The following SCLT1 variants were observed in gnomAD, a reference collection of about 807,000 sequenced individuals.
The protein encoded by SCLT1 is sodium channel-associated protein 1.
Under a neutral mutation model 112.8 loss-of-function variants are expected in SCLT1, and 78 were observed. The observed-to-expected ratio is 0.69, with a 90% CI of 0.58 to 0.83. SCLT1 has a LOEUF of 0.83. Ranked by LOEUF, SCLT1 falls within the 40% of genes least tolerant of loss-of-function variation. SCLT1 has a pLI of 0.00. For missense variants in SCLT1, 747 were observed against 770.4 expected, an observed-to-expected ratio of 0.97 and a Z score of 0.36; for synonymous variants, 257 against 254.7, an observed-to-expected ratio of 1.01 and a Z score of -0.09.
intron 2 of SCLT1, among the ~76,000 whole-genome samples, chr4:129,075,147 G>T (rs1751351185): frequency 1.3e-5 from 2 of 152,104 alleles, no homozygotes; most frequent in Non-Finnish European, 2.9e-5. Context: ...CACTCTGTAA[G>T]CACTCTAATT....
At chr4:129,015,866 C>A (rs1005511889) in intron 5 of SCLT1, among the ~76,000 whole-genome samples, 2 of 152,170 alleles carry the variant, frequency 1.3e-5, no homozygotes, top group Non-Finnish European at 2.9e-5. Flanking sequence ...TTCTGAGAAT[C>A]TGTTAGGAGT....
At chr4:128,906,795 CA>C (rs1734728738) in intron 18 of SCLT1, among the ~76,000 whole-genome samples, 1 of 152,000 alleles carries the variant, frequency 6.6e-6, no homozygotes, top group South Asian at 2.1e-4. Flanking sequence ...GCTAGGGAGA[CA>C]AGGAGGAAAC....
chr4:128,920,964 G>T (rs1418970569), intron 18 of SCLT1, among the ~76,000 whole-genome samples: 4 of 152,122 alleles, frequency 2.6e-5, no homozygotes, highest in Admixed American at 2.0e-4. Flanking sequence ...GCAGTTTCAG[G>T]ATACAAAATT....
intron 9 of SCLT1, among the ~76,000 whole-genome samples, chr4:128,989,170 AAT>A (rs959991430): frequency 3.3e-5 from 5 of 151,884 alleles, no homozygotes; most frequent in African/African-American, 9.7e-5. Flanking sequence ...ACAGGTGAAA[AAT>A]ATATGTTTTT....
At chr4:128,896,723 T>A (rs562033649) in intron 18 of SCLT1, among the ~76,000 whole-genome samples, 1 of 151,916 alleles carries the variant, frequency 6.6e-6, no homozygotes, top group African/African-American at 2.4e-5. Context: ...ATCAAACTAC[T>A]CCCAGCTAAA....
chr4:129,064,627 C>A (rs554273397), intron 2 of SCLT1, among the ~76,000 whole-genome samples: 1 of 152,136 alleles, frequency 6.6e-6, no homozygotes, highest in East Asian at 1.9e-4. Flanking sequence ...AGGAAAAGTA[C>A]ATTTACACTA....
intron 2 of SCLT1, among the ~76,000 whole-genome samples, chr4:129,057,895 G>A (rs912831472): frequency 5.3e-5 from 8 of 151,988 alleles, no homozygotes; most frequent in Admixed American, 2.0e-4. Context: ...GAAATTACAG[G>A]CACCCACCAC....
intron 11 of SCLT1, among the ~76,000 whole-genome samples, chr4:128,962,257 ATGT>A (rs1388587798): frequency 3.3e-5 from 5 of 152,232 alleles, no homozygotes; most frequent in Admixed American, 3.3e-4. Flanking sequence ...AAAACAAATC[ATGT>A]TGTAATTGAT....
At chr4:129,061,724 G>A (rs1749995072) in intron 2 of SCLT1, among the ~76,000 whole-genome samples, 1 of 152,086 alleles carries the variant, frequency 6.6e-6, no homozygotes, top group East Asian at 1.9e-4. Context: ...AGGGAAGGGT[G>A]TAACAGTTTC....
At chr4:129,048,317 T>A (rs1328803160) in intron 2 of SCLT1, among the ~76,000 whole-genome samples, 1 of 151,868 alleles carries the variant, frequency 6.6e-6, no homozygotes, top group East Asian at 1.9e-4. Context: ...CCCTCAGAAA[T>A]AACACCACAT....
intron 2 of SCLT1, among the ~76,000 whole-genome samples, chr4:129,059,177 G>A (rs1749725623): frequency 6.6e-6 from 1 of 152,042 alleles, no homozygotes. Flanking sequence ...ATGTTTACAG[G>A]TGAAGTGAGT....
At chr4:128,985,789 G>C (rs1341489451) in intron 9 of SCLT1, among the ~76,000 whole-genome samples, 2 of 152,118 alleles carry the variant, frequency 1.3e-5, no homozygotes, top group Non-Finnish European at 2.9e-5. Context: ...ATGTTGGCCA[G>C]GCTGGTCTCG....
intron 5 of SCLT1, among the ~76,000 whole-genome samples, chr4:129,033,259 C>T (rs1479027510): frequency 6.6e-6 from 1 of 151,432 alleles, no homozygotes; most frequent in Non-Finnish European, 1.5e-5. Flanking sequence ...CCAAACACTG[C>T]ATGTTCTCAC....
At chr4:129,033,502 T>TAAAAAAAAAAAAAAAAAA in intron 5 of SCLT1, among the ~76,000 whole-genome samples, 1 of 44,310 alleles carries the variant, frequency 2.3e-5, no homozygotes, top group Admixed American at 3.6e-4. Context: ...GAACTTAAAG[T>TAAAAAAAAAAAAAAAAAA]AAAAAAAAAA....
At chr4:129,036,295 C>T (rs1434096212) in intron 5 of SCLT1, among the ~76,000 whole-genome samples, 2 of 151,920 alleles carry the variant, frequency 1.3e-5, no homozygotes, top group Non-Finnish European at 2.9e-5. Context: ...TAGGTGAAGG[C>T]AGATTTTAAA....
At chr4:129,028,062 G>A (rs1746298325) in intron 5 of SCLT1, among the ~76,000 whole-genome samples, 1 of 152,172 alleles carries the variant, frequency 6.6e-6, no homozygotes, top group Admixed American at 6.5e-5. Flanking sequence ...CCATGCTCAT[G>A]GGCAGGAAGA....
intron 9 of SCLT1, among the ~76,000 whole-genome samples, chr4:128,979,538 A>G (rs1741466407): frequency 6.6e-6 from 1 of 152,184 alleles, no homozygotes; most frequent in African/African-American, 2.4e-5. Context: ...TCCAGACTGT[A>G]ATAAATACAT....
At chr4:128,948,259 C>T (rs1738358584) in intron 15 of SCLT1, among the ~76,000 whole-genome samples, 1 of 149,594 alleles carries the variant, frequency 6.7e-6, no homozygotes, top group African/African-American at 2.5e-5. Context: ...TTGCCTGAAC[C>T]CGGGAGGTGG....
At chr4:129,002,724 T>A (rs4466058) in intron 6 of SCLT1, among the ~76,000 whole-genome samples, 1 of 151,994 alleles carries the variant, frequency 6.6e-6, no homozygotes, top group Non-Finnish European at 1.5e-5. Context: ...CAAATCAAAA[T>A]GACAATAGAA....
Sources: allele counts gnomAD v4.1 joint callset (sites outside exome capture counted in the v4.1 genomes callset), GRCh38; gene constraint gnomAD v4.1.1; transcripts MANE v1.5; gene names NCBI Gene and HGNC (gene_info 2026-07-23, HGNC 2026-07-21).